The following PDE1C variants were observed in gnomAD, a reference collection of about 807,000 sequenced individuals.
The protein encoded by PDE1C is dual specificity calcium/calmodulin-dependent 3',5'-cyclic nucleotide phosphodiesterase 1C.
In PDE1C, 62 loss-of-function variants were observed where a neutral mutation model predicts 93.1. The ratio of observed to expected loss-of-function variants is 0.67; its 90% CI spans 0.54 to 0.82. The LOEUF is 0.82. PDE1C is among the 40% of genes least tolerant of loss of function. PDE1C has a pLI of 0.00. For missense variants in PDE1C, 742 were observed against 884.6 expected, an observed-to-expected ratio of 0.84 and a Z score of 2.04; for synonymous variants, 325 against 310.1, an observed-to-expected ratio of 1.05 and a Z score of -0.50.
At chr7:32,061,700 G>T (rs185034105) in intron 1 of PDE1C, among the ~76,000 whole-genome samples, 19 of 152,290 alleles carry the variant, frequency 1.2e-4, no homozygotes, top group Admixed American at 7.8e-4. Context: ...TGACCATACT[G>T]GTTTCTGTCT....
chr7:32,019,464 CG>C (rs1446491112), intron 2 of PDE1C, among the ~76,000 whole-genome samples: 2 of 152,114 alleles, frequency 1.3e-5, no homozygotes, highest in African/African-American at 4.8e-5. Context: ...ACCATGCTAG[CG>C]AGCTCAGACT....
chr7:32,263,277 T>C (rs928924646), intron 1 of PDE1C, among the ~76,000 whole-genome samples: 1 of 152,236 alleles, frequency 6.6e-6, no homozygotes. Context: ...ATTCACCTAC[T>C]ATTAACATTT....
At chr7:31,903,583 C>A (rs1162473026) in intron 2 of PDE1C, among the ~76,000 whole-genome samples, 1 of 152,046 alleles carries the variant, frequency 6.6e-6, no homozygotes, top group African/African-American at 2.4e-5. Flanking sequence ...TCTTGTATAA[C>A]CTGCCAACCT....
At chr7:31,845,399 T>C (rs1410504868) in intron 9 of PDE1C, among the ~76,000 whole-genome samples, 4 of 152,136 alleles carry the variant, frequency 2.6e-5, no homozygotes, top group Non-Finnish European at 5.9e-5. Context: ...CTGAAGATTG[T>C]TGATGTTTTG....
At chr7:32,112,824 G>A (rs1269205202) in intron 3 of PDE1C, among the ~76,000 whole-genome samples, 18 of 81,284 alleles carry the variant, frequency 2.2e-4, no homozygotes, top group Non-Finnish European at 4.3e-4. Flanking sequence ...GTGTGTGTGT[G>A]TGTGTGTGTG....
At chr7:32,164,440 C>T (rs992392574) in intron 3 of PDE1C, among the ~76,000 whole-genome samples, 1 of 152,136 alleles carries the variant, frequency 6.6e-6, no homozygotes, top group Non-Finnish European at 1.5e-5. Context: ...TCACCAACAA[C>T]AAATCTAGAG....
the PDE1C span, among the ~76,000 whole-genome samples, chr7:31,688,862 G>A: frequency 3.3e-5 from 5 of 152,080 alleles, no homozygotes; most frequent in Admixed American, 6.5e-5. Flanking sequence ...AGAGTAATTC[G>A]ATCAATACTC....
chr7:31,813,379 T>C (rs537003146), intron 15 of PDE1C, among the ~76,000 whole-genome samples: 13 of 152,256 alleles, frequency 8.5e-5, no homozygotes, highest in African/African-American at 3.1e-4. Flanking sequence ...AAAAGTCCTG[T>C]GCCTGGCTAT....
intron 2 of PDE1C, among the ~76,000 whole-genome samples, chr7:32,040,704 A>G (rs908578806): frequency 1.3e-5 from 2 of 152,206 alleles, no homozygotes; most frequent in African/African-American, 4.8e-5. Flanking sequence ...ACTAAAAATG[A>G]AGACAAACTG....
At chr7:31,962,629 A>C (rs1334427621) in intron 2 of PDE1C, among the ~76,000 whole-genome samples, 1 of 152,226 alleles carries the variant, frequency 6.6e-6, no homozygotes, top group African/African-American at 2.4e-5. Context: ...AGGAGAAAGC[A>C]GGAGAGGACA....
chr7:32,250,884 T>C (rs1297046103), intron 1 of PDE1C, among the ~76,000 whole-genome samples: 4 of 152,242 alleles, frequency 2.6e-5, no homozygotes, highest in Admixed American at 2.6e-4. Context: ...CGCAAAGGCA[T>C]CCTGTCATGG....
intron 16 of PDE1C, among the ~76,000 whole-genome samples, chr7:31,796,672 C>T (rs1235335852): frequency 4.6e-5 from 7 of 151,532 alleles, no homozygotes; most frequent in Admixed American, 4.0e-4. Flanking sequence ...AGGTTAACAC[C>T]GTTTGGCCAC....
At chr7:31,924,628 T>G (rs1025615058) in intron 2 of PDE1C, among the ~76,000 whole-genome samples, 3 of 152,202 alleles carry the variant, frequency 2.0e-5, no homozygotes, top group Non-Finnish European at 2.9e-5. Context: ...AGCTGCTCCT[T>G]CCTTTTGGGA....
chr7:32,183,098 A>G (rs996242051), intron 2 of PDE1C, among the ~76,000 whole-genome samples: 4 of 152,142 alleles, frequency 2.6e-5, no homozygotes, highest in African/African-American at 2.4e-5. Context: ...TATAAGGGAC[A>G]TGAAGGACCT....
At chr7:31,694,001 G>A in the PDE1C span, among the ~76,000 whole-genome samples, 1,103 of 152,256 alleles carry the variant, frequency 7.2e-3, 7 homozygotes, top group Non-Finnish European at 0.012. Flanking sequence ...AATCCTAACG[G>A]AATAGTTTCT....
chr7:32,381,358 C>G (rs564342005), intron 1 of PDE1C, among the ~76,000 whole-genome samples: 1 of 152,194 alleles, frequency 6.6e-6, no homozygotes, highest in South Asian at 2.1e-4. Context: ...ATCGCTGCAC[C>G]CTTGGGGAAG....
the PDE1C span, among the ~76,000 whole-genome samples, chr7:31,630,311 G>T: frequency 1.3e-5 from 2 of 150,482 alleles, no homozygotes; most frequent in African/African-American, 4.9e-5. Flanking sequence ...TGAGTGCCAG[G>T]AACTATGCTA....
intron 2 of PDE1C, among the ~76,000 whole-genome samples, chr7:32,050,395 G>A (rs935954095): frequency 1.3e-5 from 2 of 152,214 alleles, no homozygotes; most frequent in Admixed American, 6.5e-5. Context: ...AAGAAATGAC[G>A]CTGGAGAAAT....
the PDE1C span, among the ~76,000 whole-genome samples, chr7:31,736,509 T>C: frequency 5.3e-5 from 8 of 152,072 alleles, no homozygotes; most frequent in African/African-American, 1.2e-4. Flanking sequence ...CCAGCCTCCA[T>C]TCTTCTCTAT....
Sources: allele counts gnomAD v4.1 joint callset (sites outside exome capture counted in the v4.1 genomes callset), GRCh38; gene constraint gnomAD v4.1.1; transcripts MANE v1.5; gene names NCBI Gene and HGNC (gene_info 2026-07-23, HGNC 2026-07-21).